Variants in COQ8A observed in about 807,000 individuals in gnomAD.
COQ8A encodes the protein atypical kinase COQ8A, mitochondrial.
A neutral mutation model predicts 65.0 loss-of-function variants in COQ8A; 51 were observed. The ratio of observed to expected loss-of-function variants is 0.78; its 90% CI spans 0.63 to 0.99. The LOEUF (loss-of-function observed/expected upper bound fraction) is 0.99, where lower values mean the gene tolerates loss of function less well. COQ8A is among the 50% of genes least tolerant of loss of function. The pLI, the probability that COQ8A is intolerant of heterozygous loss-of-function variation, is 0.00. For missense variants in COQ8A, 940 were observed against 875.0 expected (o/e 1.07, Z -0.94); for synonymous variants, 371 against 353.2 (o/e 1.05, Z -0.57).
At chr1:226,965,602 C>T (rs1658515213) in intron 3 of COQ8A, 69 bp from the exon 4 acceptor site, 1 of 1,573,288 alleles carries the variant, frequency 6.4e-7, no homozygotes, top group East Asian at 2.2e-5. Context: ...GTGGGGGCAA[C>T]AGGAGCCTCT....
intron 1 of COQ8A, among the ~76,000 whole-genome samples, chr1:226,961,165 G>A (rs180907375): frequency 1.3e-5 from 2 of 152,276 alleles, no homozygotes; most frequent in Admixed American, 6.5e-5. Context: ...CTGACTCAAC[G>A]GCCTTTATTC....
At chr1:226,970,040 C>T (rs571494774) in intron 4 of COQ8A, among the ~76,000 whole-genome samples, 1 of 152,202 alleles carries the variant, frequency 6.6e-6, no homozygotes, top group African/African-American at 2.4e-5. Flanking sequence ...GATCTCGGCT[C>T]ACAGCAACCT....
chr1:226,976,487 G>A (rs889685953), intron 4 of COQ8A, among the ~76,000 whole-genome samples: 4 of 152,244 alleles, frequency 2.6e-5, no homozygotes, highest in Admixed American at 2.0e-4. Flanking sequence ...CTCCGAGGCC[G>A]GCTCATCGTG....
intron 14 of COQ8A, among the ~76,000 whole-genome samples, chr1:226,985,852 G>C (rs756240947): frequency 3.3e-5 from 5 of 152,222 alleles, no homozygotes; most frequent in South Asian, 2.1e-4. Flanking sequence ...AGTGTCATTT[G>C]AGGCTTGTCA....
chr1:226,965,028 C>A lies in COQ8A; in HGVS notation c.206C>A (p.Ala69Asp), dbSNP rs1169606390. ...QGQDKHEEYFAENFGGPEGEF... is the reference protein window; with the variant it reads ...QGQDKHEEYFDENFGGPEGEF... ...CAGGATAAACATGAAGAATATTTTG[C>A]TGAGAACTTCGGCGGCCCAGAAGGG... is the stretch of plus-strand genomic sequence containing the variant. Residue 69 changes from alanine to aspartate, a missense_variant, in exon 3 of 15, where the codon GCT (alanine) becomes GAT (aspartate). Transcript: ENST00000366777. The A allele has an allele frequency of 6.8e-6, 11 of 1,613,988 alleles. No individual in the cohort carries two copies. Among genetic ancestry groups the A allele is most frequent in the Non-Finnish European group, 6.8e-6 (8 of 1,180,052 alleles).
chr1:226,941,185 G>GCT (rs1282635457), intron 1 of COQ8A, among the ~76,000 whole-genome samples: 2 of 152,216 alleles, frequency 1.3e-5, no homozygotes, highest in Non-Finnish European at 2.9e-5. Context: ...TTCCTGAAGG[G>GCT]TGAGAGGCTT....
intron 4 of COQ8A, among the ~76,000 whole-genome samples, chr1:226,970,497 A>G (rs1210424478): frequency 6.6e-6 from 1 of 152,234 alleles, no homozygotes; most frequent in African/African-American, 2.4e-5. Flanking sequence ...AGGTATAGTA[A>G]AAATATGATA....
intron 14 of COQ8A, 101 bp from the exon 15 acceptor site, chr1:226,986,352 C>T: frequency 7.5e-7 from 1 of 1,338,570 alleles, no homozygotes; most frequent in Non-Finnish European, 1.0e-6. Context: ...TACAGCAGAG[C>T]TTTGAATGAG....
At chr1:226,960,085 T>A (rs1175696164) in intron 1 of COQ8A, among the ~76,000 whole-genome samples, 1 of 148,370 alleles carries the variant, frequency 6.7e-6, no homozygotes, top group African/African-American at 2.5e-5. Context: ...TACTTGGTGG[T>A]GGTGGTGGTG....
In COQ8A at chr1:226,976,494, C is replaced by T. The variant is rs1572064484; in HGVS notation, c.656-955C>T. On this transcript the variant is annotated intron_variant, in intron 4 of 14. Transcript: ENST00000366777. Reference sequence around the variant, plus strand: ...GCGGGGCTCTCCGAGGCCGGCTCATCGTGCGGCCGCTCTGGTCTCAGCCCT... The same window carrying T: ...GCGGGGCTCTCCGAGGCCGGCTCATTGTGCGGCCGCTCTGGTCTCAGCCCT... Among the ~76,000 whole-genome samples, 5 of 152,230 alleles carry T rather than the reference C, an allele frequency of 3.3e-5. No homozygotes were observed. The East Asian group carries it at 5.8e-4, about 18-fold the overall frequency.
intron 11 of COQ8A, 84 bp downstream of exon 11, chr1:226,984,319 T>A: frequency 6.3e-7 from 1 of 1,589,360 alleles, no homozygotes; most frequent in Non-Finnish European, 8.5e-7. Context: ...AGCTGGGGAC[T>A]TGGAGCCCTG....
At chr1:226,961,964 C>A (rs561549429) in intron 2 of COQ8A, among the ~76,000 whole-genome samples, 1 of 152,280 alleles carries the variant, frequency 6.6e-6, no homozygotes, top group Admixed American at 6.5e-5. Flanking sequence ...GCACCAATCC[C>A]ATTGAGGAGG....
At chr1:226,984,492 C>T (rs947364471) in intron 11 of COQ8A, 56 bp from the exon 12 acceptor site, 43 of 1,489,158 alleles carry the variant, frequency 2.9e-5, no homozygotes, top group Non-Finnish European at 3.6e-5. Context: ...CCCCAGTCTC[C>T]CAGGGCACCA....
Position 226,977,454 on chromosome 1 carries a change from GC to G in COQ8A, c.663del (p.Val222TrpfsTer60). The stretch of plus-strand genomic sequence containing the variant: ...CCGCCCCCTCCTCCTTGCAGGTCTG[GC>G]CGTGGGCCTGGGCTTCGGGGCACTG... The part of the protein sequence containing the change: ...IGRLANFGGL[A>X]VGLGFGALAE... On this transcript the variant is annotated frameshift_variant, in exon 5 of 15. Transcript: ENST00000366777. LOFTEE classifies it high-confidence loss of function. The G allele has an allele frequency of 6.4e-7, 1 of 1,562,742 alleles. No individual in the cohort carries two copies. The highest frequency in any genetic ancestry group is 8.7e-7 in the Non-Finnish European group (1 of 1,153,802).
rs12133428 is a variant in COQ8A at position 226,964,691 on chromosome 1, C to T, written c.178-309C>T. On this transcript the variant is annotated intron_variant, in intron 2 of 14. Transcript: ENST00000366777. ...CAAAGCCCTGGAGGCCTTCTTGGCC[C>T]TGTTTTATAGGTGAGGAACCCGCTG... 0.14 allele frequency among the ~76,000 whole-genome samples: 21,506 copies of T among 152,262 alleles called. 1,951 individuals carry two copies. Among genetic ancestry groups the T allele is most frequent in the South Asian group, 0.36 (1,740 of 4,828 alleles).
chr1:226,976,422 TCGGGGCTG>T (rs369060887), intron 4 of COQ8A, among the ~76,000 whole-genome samples: 78 of 110,294 alleles, frequency 7.1e-4, no homozygotes, highest in African/African-American at 2.3e-3. Flanking sequence ...TTGCCTGGCT[TCGGGGCTG>T]CGGGGCTGCG....
chr1:226,943,256 CAA>C (rs1291379300), intron 1 of COQ8A, among the ~76,000 whole-genome samples: 2 of 152,228 alleles, frequency 1.3e-5, no homozygotes, highest in African/African-American at 4.8e-5. Flanking sequence ...TCCGTTGAAA[CAA>C]GAGCTGTGTG....
At chr1:226,965,451 C>T (rs1426072827) in intron 3 of COQ8A, 41 bp downstream of exon 3, 6 of 1,592,026 alleles carry the variant, frequency 3.8e-6, no homozygotes, top group African/African-American at 1.3e-5. Context: ...GTAGCTGCCA[C>T]CCACAGCAGT....
chr1:226,984,629 T>C lies in COQ8A; in HGVS notation c.1480T>C (p.Phe494Leu), dbSNP rs770874364. 1.2e-6 allele frequency: 2 copies of C among 1,614,146 alleles called. No homozygotes were observed. The highest frequency in any genetic ancestry group is 2.2e-5 in the East Asian group (1 of 44,880). ...GCAAACAGACCCCAACTGGTCCAAC[T>C]TCTTCTATGACCCCCAGCAGCACAA... ...FMQTDPNWSNFFYDPQQHKVA... is the reference protein window; with the variant it reads ...FMQTDPNWSNLFYDPQQHKVA... The change falls in exon 12 of 15, where the codon TTC (phenylalanine) becomes CTC (leucine). Residue 494 changes from phenylalanine (F) to leucine (L), a missense_variant. Coordinates refer to ENST00000366777, the MANE Select transcript of COQ8A (RefSeq NM_020247.5).
Sources: gnomAD v4.1 joint callset for allele counts (sites outside exome capture counted in the v4.1 genomes callset) on GRCh38, gnomAD v4.1.1 for gene constraint, MANE v1.5 for transcripts, NCBI Gene and HGNC (gene_info 2026-07-23, HGNC 2026-07-21) for gene names.